The following SND1 variants were observed in gnomAD, a reference collection of about 807,000 sequenced individuals.
SND1 encodes the protein staphylococcal nuclease and tudor domain containing 1.
A neutral mutation model predicts 121.7 loss-of-function variants in SND1; 38 were observed. That is an observed-to-expected ratio of 0.31 (90% CI 0.24 to 0.41). The LOEUF is 0.41. Among genes scored for constraint, SND1 ranks in the 10% least tolerant of loss-of-function variants. SND1 has a pLI of 1.00. For synonymous variants in SND1, 401 were observed against 447.4 expected (o/e 0.90, Z 1.31); for missense variants, 868 against 1,184.6 (o/e 0.73, Z 3.92).
chr7:127,680,906 AATT>A (rs1246778839), intron 1 of SND1, among the ~76,000 whole-genome samples: 2 of 152,076 alleles, frequency 1.3e-5, no homozygotes, highest in African/African-American at 4.8e-5. Context: ...AGGCATAAGA[AATT>A]ATAAAAGTAT....
intron 14 of SND1, among the ~76,000 whole-genome samples, chr7:127,919,754 T>C (rs936471163): frequency 2.6e-5 from 4 of 152,212 alleles, no homozygotes; most frequent in Non-Finnish European, 1.5e-5. Flanking sequence ...AAAGTAACTC[T>C]AGAGTTGTTA....
At chr7:127,750,704 G>A (rs955285216) in intron 10 of SND1, among the ~76,000 whole-genome samples, 2 of 152,106 alleles carry the variant, frequency 1.3e-5, no homozygotes, top group African/African-American at 2.4e-5. Context: ...TCATGTCGAT[G>A]CCCAAACGTT....
Position 127,686,718 on chromosome 7 carries a change from C to T in SND1, c.184C>T (p.Arg62Trp), listed in dbSNP as rs779531216. 8 of 1,614,146 alleles carry T rather than the reference C, an allele frequency of 5.0e-6. No homozygotes were observed. In the East Asian group the frequency reaches 6.7e-5, roughly 13 times the overall value. Residue 62 changes from arginine (R) to tryptophan (W), a missense_variant, in exon 2 of 24, where the codon CGG becomes TGG. Physicochemically the swap from Arg to Trp is moderately radical, Grantham distance 101. Around this residue, in one of 2 missense-constraint regions of SND1, gnomAD observed 125 missense variants for 113.3 expected, o/e 1.10. Coordinates refer to ENST00000354725, the MANE Select transcript of SND1 (RefSeq NM_014390.4). Reference protein sequence around the residue: ...SNIRAGNLARRAAATQPDAKD... With the variant: ...SNIRAGNLARWAAATQPDAKD... ...CATTCGTGCTGGAAATCTTGCTCGC[C>T]GGGCAGCCGCCACACAACCTGATGC...
intron 16 of SND1, among the ~76,000 whole-genome samples, chr7:128,037,080 T>G (rs972240152): frequency 4.6e-5 from 7 of 152,182 alleles, no homozygotes; most frequent in African/African-American, 1.7e-4. Flanking sequence ...TACTAATGAG[T>G]GACTAAATTT....
chr7:127,707,665 T>C lies in SND1; in HGVS notation c.1038+18T>C. 6.3e-7 allele frequency: 1 copy of C among 1,590,374 alleles called. No individual in the cohort carries two copies. The highest frequency in any genetic ancestry group is 1.1e-5 in the South Asian group (1 of 90,588). On this transcript the variant is annotated intron_variant, in intron 9 of 23. Coordinates refer to ENST00000354725, the MANE Select transcript of SND1 (RefSeq NM_014390.4). ...TTGCCAAGGTGAGTCATTCTCAGCA[T>C]CTTGATATGCATAGTGGACATTGCC...
chr7:128,043,695 T>C (rs966744828), intron 16 of SND1, among the ~76,000 whole-genome samples: 2 of 151,608 alleles, frequency 1.3e-5, no homozygotes, highest in Non-Finnish European at 2.9e-5. Context: ...TAAAGAATGT[T>C]ACCTTGCAGC....
chr7:127,753,715 C>G (rs1177393061), intron 10 of SND1, among the ~76,000 whole-genome samples: 2 of 152,158 alleles, frequency 1.3e-5, no homozygotes, highest in Non-Finnish European at 2.9e-5. Context: ...TTCCTTCCCC[C>G]TTTATTGTGT....
intron 12 of SND1, among the ~76,000 whole-genome samples, chr7:127,886,701 TC>T (rs1799915128): frequency 6.6e-6 from 1 of 152,108 alleles, no homozygotes; most frequent in African/African-American, 2.4e-5. Context: ...ATAACAAAGT[TC>T]CCTTTCCAGG....
chr7:127,971,482 G>A (rs569727797), intron 15 of SND1, among the ~76,000 whole-genome samples: 2 of 152,324 alleles, frequency 1.3e-5, no homozygotes, highest in East Asian at 1.9e-4. Flanking sequence ...ACATAGATCA[G>A]TTGTTGGTGA....
intron 9 of SND1, among the ~76,000 whole-genome samples, chr7:127,719,628 G>T (rs1198442807): frequency 6.6e-6 from 1 of 152,178 alleles, no homozygotes; most frequent in Non-Finnish European, 1.5e-5. Flanking sequence ...GTTATTTGAA[G>T]TTGTCGTTTT....
chr7:127,742,335 C>T (rs1290627991), intron 10 of SND1, among the ~76,000 whole-genome samples: 1 of 152,102 alleles, frequency 6.6e-6, no homozygotes, highest in Non-Finnish European at 1.5e-5. Flanking sequence ...GTGTCATTTT[C>T]AGTAGCTTTG....
chr7:127,686,434 T>G (rs751576887), intron 1 of SND1, among the ~76,000 whole-genome samples, 179 bp from the exon 2 acceptor site: 6 of 152,220 alleles, frequency 3.9e-5, no homozygotes, highest in Non-Finnish European at 8.8e-5. Context: ...AGGCTTTATG[T>G]AGGTATTTCT....
At chr7:128,067,981 A>G (rs1408097956) in intron 16 of SND1, among the ~76,000 whole-genome samples, 3 of 152,052 alleles carry the variant, frequency 2.0e-5, no homozygotes, top group Non-Finnish European at 4.4e-5. Context: ...CAGCCTTACC[A>G]GAAGCAGCCT....
At chr7:127,998,094 T>C in intron 16 of SND1, 1 of 423,532 alleles carries the variant, frequency 2.4e-6, no homozygotes, top group East Asian at 5.8e-5. Context: ...ATATAAGAGA[T>C]ACTCAATAAA....
chr7:127,754,150 T>A (rs999907397), intron 10 of SND1, among the ~76,000 whole-genome samples: 9 of 152,188 alleles, frequency 5.9e-5, no homozygotes, highest in Non-Finnish European at 4.4e-5. Context: ...TATCTTCTAT[T>A]TGGAGAATAG....
intron 10 of SND1, among the ~76,000 whole-genome samples, chr7:127,751,423 GT>G (rs1797092017): frequency 6.6e-6 from 1 of 152,198 alleles, no homozygotes; most frequent in Non-Finnish European, 1.5e-5. Flanking sequence ...AGAATGTCAG[GT>G]GAGCAGTGGC....
intron 14 of SND1, among the ~76,000 whole-genome samples, chr7:127,909,612 C>A (rs1257149313): frequency 6.6e-6 from 1 of 152,152 alleles, no homozygotes; most frequent in Non-Finnish European, 1.5e-5. Context: ...TGCACACCAT[C>A]ACACCCACAG....
chr7:128,022,336 G>A (rs1395955638), intron 16 of SND1, among the ~76,000 whole-genome samples: 1 of 151,944 alleles, frequency 6.6e-6, no homozygotes, highest in East Asian at 1.9e-4. Flanking sequence ...TGAGTGTACA[G>A]AATGAACAAA....
At chr7:127,833,042 T>C (rs996530673) in intron 11 of SND1, among the ~76,000 whole-genome samples, 3 of 152,140 alleles carry the variant, frequency 2.0e-5, no homozygotes, top group African/African-American at 7.2e-5. Flanking sequence ...CCAAAAGGGT[T>C]GGGGACCACT....
Sources: gnomAD v4.1 joint callset for allele counts (sites outside exome capture counted in the v4.1 genomes callset) on GRCh38, gnomAD v4.1.1 for gene constraint, gnomAD v4.1.1 regional missense constraint, MANE v1.5 for transcripts, NCBI Gene and HGNC (gene_info 2026-07-23, HGNC 2026-07-21) for gene names.